Variants in KCNJ3 observed in about 807,000 individuals in gnomAD.
KCNJ3 encodes the protein G protein-activated inward rectifier potassium channel 1.
In KCNJ3, 4 loss-of-function variants were observed where a neutral mutation model predicts 39.2. The ratio of observed to expected loss-of-function variants is 0.10; its 90% CI spans 0.05 to 0.23. KCNJ3 has a LOEUF of 0.23. KCNJ3 is among the 10% of genes least tolerant of loss of function. The probability of loss-of-function intolerance (pLI) is 1.00; values close to 1 mark genes in which losing one functional copy is unlikely to be tolerated. For missense variants in KCNJ3, 276 were observed against 634.9 expected, an observed-to-expected ratio of 0.43 and a Z score of 6.08; for synonymous variants, 230 against 237.4, an observed-to-expected ratio of 0.97 and a Z score of 0.29.
chr2:154,783,509 A>C (rs1374511438), intron 2 of KCNJ3, among the ~76,000 whole-genome samples: 1 of 152,198 alleles, frequency 6.6e-6, no homozygotes, highest in Non-Finnish European at 1.5e-5. Flanking sequence ...AAATAATAAT[A>C]CTTACATGGC....
intron 2 of KCNJ3, among the ~76,000 whole-genome samples, chr2:154,727,517 AG>A (rs1011494317): frequency 1.2e-4 from 17 of 143,294 alleles, no homozygotes; most frequent in African/African-American, 4.0e-4. Context: ...ACTTGAACCC[AG>A]GGGGCGGAGG....
At chr2:154,849,680 G>A (rs565322723) in intron 2 of KCNJ3, among the ~76,000 whole-genome samples, 5 of 152,160 alleles carry the variant, frequency 3.3e-5, no homozygotes, top group East Asian at 1.9e-4. Context: ...CACCATCCCC[G>A]GCTAGCAGAA....
At chr2:154,789,886 G>A (rs1686596805) in intron 2 of KCNJ3, among the ~76,000 whole-genome samples, 1 of 151,928 alleles carries the variant, frequency 6.6e-6, no homozygotes, top group South Asian at 2.1e-4. Flanking sequence ...GAGAATTTGA[G>A]GCAAAATAAA....
intron 2 of KCNJ3, among the ~76,000 whole-genome samples, chr2:154,841,326 C>T (rs1320316033): frequency 6.6e-6 from 1 of 152,056 alleles, no homozygotes; most frequent in Non-Finnish European, 1.5e-5. Context: ...CTGCTGGATT[C>T]AGTTTGCCAG....
At chr2:154,801,906 C>A (rs1009833975) in intron 2 of KCNJ3, among the ~76,000 whole-genome samples, 1 of 152,128 alleles carries the variant, frequency 6.6e-6, no homozygotes, top group Non-Finnish European at 1.5e-5. Flanking sequence ...GGATTACAGG[C>A]GTGAGCCACT....
intron 2 of KCNJ3, among the ~76,000 whole-genome samples, chr2:154,743,435 A>G (rs1354809877): frequency 6.6e-6 from 1 of 151,786 alleles, no homozygotes; most frequent in Non-Finnish European, 1.5e-5. Context: ...AACAGTTTTG[A>G]GTAGTATTGA....
chr2:154,752,529 G>A (rs994278317), intron 2 of KCNJ3, among the ~76,000 whole-genome samples: 1 of 151,930 alleles, frequency 6.6e-6, no homozygotes, highest in Non-Finnish European at 1.5e-5. Context: ...TATTTATATG[G>A]TACATTATTA....
chr2:154,720,053 G>A (rs954765360), intron 2 of KCNJ3, among the ~76,000 whole-genome samples: 5 of 151,942 alleles, frequency 3.3e-5, no homozygotes, highest in Admixed American at 6.6e-5. Flanking sequence ...ACTTATTATT[G>A]CAGTATTGAA....
At chr2:154,716,846 A>C (rs1685189204) in intron 2 of KCNJ3, among the ~76,000 whole-genome samples, 1 of 151,954 alleles carries the variant, frequency 6.6e-6, no homozygotes, top group Non-Finnish European at 1.5e-5. Flanking sequence ...TTATAAGCTT[A>C]CTCTTGTGAA....
At chr2:154,814,290 A>G in intron 2 of KCNJ3, among the ~76,000 whole-genome samples, 1 of 152,332 alleles carries the variant, frequency 6.6e-6, no homozygotes, top group East Asian at 1.9e-4. Context: ...AGTGTCTAAT[A>G]TAACGTATAA....
chr2:154,791,025 TC>T (rs1462028204), intron 2 of KCNJ3, among the ~76,000 whole-genome samples: 1 of 152,074 alleles, frequency 6.6e-6, no homozygotes, highest in African/African-American at 2.4e-5. Context: ...CAGAAGCTGT[TC>T]AGTGAGTAGA....
chr2:154,838,420 C>G (rs1424864785), intron 2 of KCNJ3, among the ~76,000 whole-genome samples: 1 of 152,148 alleles, frequency 6.6e-6, no homozygotes, highest in East Asian at 1.9e-4. Context: ...GGACAAGTGA[C>G]TTTACCTCCC....
intron 2 of KCNJ3, among the ~76,000 whole-genome samples, chr2:154,849,955 AAT>A (rs1466508157): frequency 6.7e-6 from 1 of 149,824 alleles, no homozygotes; most frequent in Non-Finnish European, 1.5e-5. Context: ...ACTAAACAAT[AAT>A]ATATACCCTT....
intron 2 of KCNJ3, among the ~76,000 whole-genome samples, chr2:154,838,400 C>T (rs542148060): frequency 5.3e-5 from 8 of 152,282 alleles, no homozygotes; most frequent in African/African-American, 1.9e-4. Flanking sequence ...ATCTCTCGTC[C>T]TGTGATTCTG....
intron 2 of KCNJ3, among the ~76,000 whole-genome samples, chr2:154,758,874 A>T (rs1365484484): frequency 6.6e-6 from 1 of 152,206 alleles, no homozygotes; most frequent in Admixed American, 6.5e-5. Flanking sequence ...TTTTAAGGAA[A>T]AGGGTGTTCT....
Position 154,734,668 on chromosome 2 carries a change from A to G in KCNJ3, c.919+24849A>G, listed in dbSNP as rs187737468. 2.4e-3 allele frequency among the ~76,000 whole-genome samples: 358 copies of G among 152,284 alleles called. 1 individual carries two copies. The highest frequency in any genetic ancestry group is 8.2e-3 in the African/African-American group (342 of 41,562). ...AATTCTCATGCCTACTGTTCTGTCC[A>G]GTTTTGTAAGAAAGAGAAGGAAAGA... On this transcript the variant is annotated intron_variant, in intron 2 of 2. Coordinates refer to ENST00000295101, the MANE Select transcript of KCNJ3 (RefSeq NM_002239.4).
chr2:154,791,438 C>CTAT (rs1252831070), intron 2 of KCNJ3, among the ~76,000 whole-genome samples: 1 of 151,766 alleles, frequency 6.6e-6, no homozygotes, highest in Admixed American at 6.6e-5. Flanking sequence ...GAGATGGATT[C>CTAT]TATTATTATT....
chr2:154,731,476 G>A (rs1385970192), intron 2 of KCNJ3, among the ~76,000 whole-genome samples: 2 of 151,754 alleles, frequency 1.3e-5, no homozygotes, highest in African/African-American at 2.4e-5. Context: ...GTTAATTCAA[G>A]GAAAATTTTT....
chr2:154,821,618 G>C (rs376096641), intron 2 of KCNJ3, among the ~76,000 whole-genome samples: 3 of 125,136 alleles, frequency 2.4e-5, no homozygotes, highest in African/African-American at 5.6e-5. Flanking sequence ...TCCAAAAAAA[G>C]AAAAAGAGAA....
Sources: allele counts gnomAD v4.1 joint callset (sites outside exome capture counted in the v4.1 genomes callset), GRCh38; gene constraint gnomAD v4.1.1; transcripts MANE v1.5; gene names NCBI Gene and HGNC (gene_info 2026-07-23, HGNC 2026-07-21).